B4GALT6: variants seen among roughly 807,000 people sequenced by gnomAD.
The protein encoded by B4GALT6 is UDP-Gal:beta-GlcNAc beta-1,4-galactosyltransferase 6.
A neutral mutation model predicts 46.3 loss-of-function variants in B4GALT6; 14 were observed. The observed-to-expected ratio is 0.30, with a 90% CI of 0.20 to 0.47. The LOEUF (loss-of-function observed/expected upper bound fraction) is 0.47, where lower values mean the gene tolerates loss of function less well. B4GALT6 is among the 20% of genes least tolerant of loss of function. The pLI, the probability that B4GALT6 is intolerant of heterozygous loss-of-function variation, is 0.99. For missense variants in B4GALT6, 386 were observed against 480.1 expected, an observed-to-expected ratio of 0.80 and a Z score of 1.83; for synonymous variants, 168 against 162.0, an observed-to-expected ratio of 1.04 and a Z score of -0.28.
chr18:31,651,232 T>C (rs113081283), intron 3 of B4GALT6, among the ~76,000 whole-genome samples: 7,189 of 152,226 alleles, frequency 0.047, 191 homozygotes, highest in Middle Eastern at 0.099. Context: ...CAGCGACAAT[T>C]ATCCATGCTC....
At chr18:31,652,662 G>A (rs987762230) in intron 3 of B4GALT6, among the ~76,000 whole-genome samples, 14 of 152,252 alleles carry the variant, frequency 9.2e-5, no homozygotes, top group South Asian at 2.1e-4. Context: ...CAAATGCGAC[G>A]GTTACTCTGT....
chr18:31,694,348 C>T, the B4GALT6 span, among the ~76,000 whole-genome samples: 1 of 152,212 alleles, frequency 6.6e-6, no homozygotes, highest in African/African-American at 2.4e-5. Context: ...ATAAAAAAGA[C>T]TTGCCTTTGT....
intron 2 of B4GALT6, among the ~76,000 whole-genome samples, chr18:31,665,969 C>G (rs1308075133): frequency 1.3e-5 from 2 of 152,160 alleles, no homozygotes; most frequent in Non-Finnish European, 2.9e-5. Context: ...GTTAATTTCT[C>G]TTAAATACAA....
chr18:31,638,501 TGG>T, intron 5 of B4GALT6, 141 bp downstream of exon 5: 1 of 686,198 alleles, frequency 1.5e-6, no homozygotes. Context: ...CATTCCAGCC[TGG>T]GCAACACAGC....
chr18:31,629,578 G>A (rs764399184), intron 6 of B4GALT6, among the ~76,000 whole-genome samples: 6 of 148,154 alleles, frequency 4.0e-5, no homozygotes, highest in Non-Finnish European at 5.9e-5. Flanking sequence ...TGCCGGGCAC[G>A]GTGGCTCATG....
intron 2 of B4GALT6, among the ~76,000 whole-genome samples, chr18:31,664,785 T>A (rs1264916707): frequency 6.6e-6 from 1 of 152,322 alleles, no homozygotes; most frequent in East Asian, 1.9e-4. Flanking sequence ...ACAGAAGCTT[T>A]TAAAATGTTT....
At chr18:31,688,084 C>CTCATA (rs2029987745), upstream of B4GALT6, among the ~76,000 whole-genome samples, 1 of 151,810 alleles carries the variant, frequency 6.6e-6, no homozygotes, top group Non-Finnish European at 1.5e-5. Context: ...GTAATTATAT[C>CTCATA]TGTTTAAATG....
At chr18:31,662,736 G>A (rs2074233899) in intron 2 of B4GALT6, among the ~76,000 whole-genome samples, 1 of 152,148 alleles carries the variant, frequency 6.6e-6, no homozygotes, top group Non-Finnish European at 1.5e-5. Flanking sequence ...ACCTACTTGG[G>A]AGGTGGAGGC....
intron 4 of B4GALT6, 83 bp from the exon 5 acceptor site, chr18:31,638,843 T>G (rs1353971349): frequency 2.5e-6 from 3 of 1,178,994 alleles, no homozygotes; most frequent in Admixed American, 4.0e-5. Flanking sequence ...CCTTGAAAAC[T>G]TCTGATGGTT....
At chr18:31,644,635 C>T (rs1213162615) in intron 4 of B4GALT6, among the ~76,000 whole-genome samples, 1 of 152,160 alleles carries the variant, frequency 6.6e-6, no homozygotes, top group African/African-American at 2.4e-5. Flanking sequence ...GATGAATATG[C>T]ACTTGTTAAC....
At chr18:31,698,416 G>A in the B4GALT6 span, among the ~76,000 whole-genome samples, 3 of 152,038 alleles carry the variant, frequency 2.0e-5, no homozygotes, top group Non-Finnish European at 4.4e-5. Context: ...GATCACTTGA[G>A]GTCAGGAGTT....
chr18:31,639,793 C>T lies in B4GALT6; in HGVS notation c.472-1033G>A, dbSNP rs186954580. Among the ~76,000 whole-genome samples the T allele has an allele frequency of 2.6e-3, 401 of 152,226 alleles. 1 individual carries two copies. The highest frequency in any genetic ancestry group is 9.3e-3 in the African/African-American group (386 of 41,554). ...TAAAAAATCTAATGGAACTCTCAAA[C>T]CCAACACTTAAAAACACCATTTATA... On this transcript the variant is annotated intron_variant, in intron 4 of 8. Transcript: ENST00000306851.
At chr18:31,659,730 G>A (rs1385437789) in intron 2 of B4GALT6, among the ~76,000 whole-genome samples, 1 of 152,044 alleles carries the variant, frequency 6.6e-6, no homozygotes, top group Non-Finnish European at 1.5e-5. Context: ...ACTCTCCCTG[G>A]GCGAGTGCTG....
chr18:31,695,537 T>C, the B4GALT6 span, among the ~76,000 whole-genome samples: 4 of 151,818 alleles, frequency 2.6e-5, no homozygotes, highest in African/African-American at 7.3e-5. Flanking sequence ...CTTTTGACCA[T>C]GCGGGAAGGG....
chr18:31,626,468 G>C (rs1159912497), intron 7 of B4GALT6, 84 bp from the exon 8 acceptor site: 2 of 723,470 alleles, frequency 2.8e-6, no homozygotes, highest in Non-Finnish European at 4.4e-6. Context: ...AAACACAAAA[G>C]AATGCTCTAA....
chr18:31,636,739 CT>C (rs1206116259), intron 5 of B4GALT6, among the ~76,000 whole-genome samples: 2 of 152,198 alleles, frequency 1.3e-5, no homozygotes, highest in African/African-American at 4.8e-5. Context: ...GTTATCAGAT[CT>C]TTTTTAGGTT....
At chr18:31,711,450 C>G in the B4GALT6 span, among the ~76,000 whole-genome samples, 2 of 152,070 alleles carry the variant, frequency 1.3e-5, no homozygotes, top group Non-Finnish European at 2.9e-5. Context: ...TTGCTGTCCC[C>G]CTCTTTGTGT....
chr18:31,670,150 C>T (rs1441618203), intron 1 of B4GALT6, among the ~76,000 whole-genome samples: 1 of 151,776 alleles, frequency 6.6e-6, no homozygotes, highest in South Asian at 2.1e-4. Context: ...ACCTCCTGGG[C>T]TCAAGCGATC....
intron 7 of B4GALT6, 131 bp downstream of exon 7, chr18:31,626,868 A>T: frequency 4.2e-6 from 3 of 714,722 alleles, no homozygotes; most frequent in Non-Finnish European, 6.4e-6. Context: ...AGAAATATAA[A>T]ACAGGGTTTA....
Sources: allele counts gnomAD v4.1 joint callset (sites outside exome capture counted in the v4.1 genomes callset), GRCh38; gene constraint gnomAD v4.1.1; transcripts MANE v1.5; gene names NCBI Gene and HGNC (gene_info 2026-07-23, HGNC 2026-07-21).